The following PAPPA variants were observed in gnomAD, a reference collection of about 807,000 sequenced individuals.
PAPPA encodes the protein pappalysin-1.
A neutral mutation model predicts 164.0 loss-of-function variants in PAPPA; 60 were observed. That is an observed-to-expected ratio of 0.37 (90% CI 0.30 to 0.45). The LOEUF (loss-of-function observed/expected upper bound fraction) is 0.45, where lower values mean the gene tolerates loss of function less well. PAPPA is among the 20% of genes least tolerant of loss of function. The pLI is 1.00. For missense variants in PAPPA, 1,782 were observed against 2,087.3 expected, an observed-to-expected ratio of 0.85 and a Z score of 2.85; for synonymous variants, 875 against 814.1, an observed-to-expected ratio of 1.07 and a Z score of -1.27.
At position 116,187,052 on chromosome 9, in the gene PAPPA, G is replaced by A. The variant is rs1172750537; in HGVS notation, c.416-102G>A. The A allele has an allele frequency of 2.3e-6, 2 of 857,352 alleles. No individual in the cohort carries two copies. The highest frequency in any genetic ancestry group is 2.8e-4 in the Middle Eastern group (1 of 3,614). The allele number at this position is 857,352 out of a possible 1,614,324, so 53.1% of individuals were successfully genotyped here. ...CCACAGAGCAGTTGGAAAGCGATGA[G>A]TCTAGGATAACCTGATACAAATTTT... On this transcript the variant is annotated intron_variant, in intron 1 of 21. Transcript: ENST00000328252. The surrounding 1 kb of genome is among the most constrained non-coding windows in gnomAD (Gnocchi z 4.2).
rs1157260462 is a variant in PAPPA, at chr9:116,393,514, C to T, written c.4777-2995C>T. On this transcript the variant is annotated intron_variant, in intron 21 of 21. Coordinates refer to ENST00000328252, the MANE Select transcript of PAPPA (RefSeq NM_002581.5). Reference sequence around the variant, plus strand: ...GTCCCTGCCCAGAGTGAGCTGACATCGAAGTAAAGAAGTAATTCAGTATCA... The same window carrying T: ...GTCCCTGCCCAGAGTGAGCTGACATTGAAGTAAAGAAGTAATTCAGTATCA... 3.3e-5 allele frequency among the ~76,000 whole-genome samples: 5 copies of T among 152,088 alleles called. No individual in the cohort carries two copies. The East Asian group carries it at 5.8e-4, about 18-fold the overall frequency.
intron 2 of PAPPA, among the ~76,000 whole-genome samples, chr9:116,192,217 G>A (rs1047588858): frequency 2.0e-5 from 3 of 152,174 alleles, no homozygotes; most frequent in African/African-American, 7.2e-5. Flanking sequence ...AGGACACAGA[G>A]CAGGGTGGGG....
chr9:116,374,471 T>C (rs762176584), intron 19 of PAPPA, among the ~76,000 whole-genome samples: 9 of 152,134 alleles, frequency 5.9e-5, no homozygotes, highest in Non-Finnish European at 1.3e-4. Context: ...CTTTCCCAGT[T>C]CTAGCACACA....
chr9:116,302,597 CT>C (rs910654845), intron 9 of PAPPA, among the ~76,000 whole-genome samples, 159 bp from the exon 10 acceptor site: 4 of 151,194 alleles, frequency 2.6e-5, no homozygotes, highest in Non-Finnish European at 4.4e-5. Flanking sequence ...GAATTTCCTT[CT>C]TTTTTTTTCA....
chr9:116,335,060 C>G lies in PAPPA; in HGVS notation c.3597C>G (p.Ser1199Arg). The G allele has an allele frequency of 1.2e-6, 2 of 1,612,928 alleles. No homozygotes were observed. The highest frequency in any genetic ancestry group is 1.1e-5 in the South Asian group (1 of 91,074). Reference protein sequence around the residue: ...LSSCQRGETYSPAEQSCVHFA... With the variant: ...LSSCQRGETYRPAEQSCVHFA... Reference sequence around the variant, plus strand: ...GCTGCCAGAGAGGGGAGACCTACAGCCCTGCCGAGCAGAGGTAAGGGATCC... The same window carrying G: ...GCTGCCAGAGAGGGGAGACCTACAGGCCTGCCGAGCAGAGGTAAGGGATCC... Residue 1199 changes from serine (S) to arginine (R), a missense_variant, in exon 13 of 22, where the codon AGC becomes AGG. Physicochemically the swap from Ser to Arg is moderately radical, Grantham distance 110 (BLOSUM62 -1). This residue lies in a region of PAPPA where 1,324 missense variants were observed against 1,656.9 expected (regional missense o/e 0.80). Transcript: ENST00000328252.
At position 116,154,714 on chromosome 9, in the gene PAPPA, G is replaced by C. The variant is rs1843580650; in HGVS notation, c.415+127G>C. The C allele has an allele frequency of 1.8e-6, 2 of 1,118,754 alleles. No homozygotes were observed. Among genetic ancestry groups the C allele is most frequent in the South Asian group, 8.1e-5 (2 of 24,684 alleles). The allele number at this position is 1,118,754 out of a possible 1,614,324, so 69.3% of individuals were successfully genotyped here. ...TGTCTGTGCGAGAGCTGCCCCGCGAGCGGCGCAGAGACATCCGGGCGAGCT... is the reference window on the plus strand; with the variant it reads ...TGTCTGTGCGAGAGCTGCCCCGCGACCGGCGCAGAGACATCCGGGCGAGCT... On this transcript the variant is annotated intron_variant, in intron 1 of 21. Coordinates refer to ENST00000328252, the MANE Select transcript of PAPPA (RefSeq NM_002581.5). This position sits in a 1 kb window ranked among gnomAD's most constrained non-coding sequence, Gnocchi z 5.2.
At chr9:116,207,947 T>C (rs955414465) in intron 3 of PAPPA, among the ~76,000 whole-genome samples, 1 of 152,202 alleles carries the variant, frequency 6.6e-6, no homozygotes, top group African/African-American at 2.4e-5. Context: ...GCTTTCTCCT[T>C]ATACCCTCTG....
At chr9:116,198,573 C>T (rs184626030) in intron 2 of PAPPA, among the ~76,000 whole-genome samples, 10 of 152,276 alleles carry the variant, frequency 6.6e-5, no homozygotes, top group South Asian at 6.2e-4. Flanking sequence ...ATTGCTGTTA[C>T]GGAGAAGTCC....
chr9:116,346,168 G>T (rs1395397541), intron 14 of PAPPA, among the ~76,000 whole-genome samples: 1 of 152,092 alleles, frequency 6.6e-6, no homozygotes, highest in East Asian at 1.9e-4. Flanking sequence ...TCAACGTTTG[G>T]CATCTCCAGT....
chr9:116,365,398 C>A (rs1846486744), intron 18 of PAPPA, among the ~76,000 whole-genome samples: 1 of 152,008 alleles, frequency 6.6e-6, no homozygotes, highest in South Asian at 2.1e-4. Context: ...GTAAGGATGC[C>A]AATAATGGCT....
chr9:116,207,782 C>G (rs1844255443), intron 3 of PAPPA, among the ~76,000 whole-genome samples, 181 bp downstream of exon 3: 1 of 152,114 alleles, frequency 6.6e-6, no homozygotes, highest in African/African-American at 2.4e-5. Context: ...TTTTGACCAC[C>G]AAGCAATTTT....
At chr9:116,303,412 G>C (rs928453614) in intron 10 of PAPPA, among the ~76,000 whole-genome samples, 1 of 152,102 alleles carries the variant, frequency 6.6e-6, no homozygotes, top group South Asian at 2.1e-4. Flanking sequence ...AGTTGAGCTT[G>C]TTGATCTCCA....
chr9:116,184,579 A>G (rs934965971), intron 1 of PAPPA, among the ~76,000 whole-genome samples: 2 of 152,264 alleles, frequency 1.3e-5, no homozygotes, highest in Middle Eastern at 3.4e-3. Flanking sequence ...CATATTCACT[A>G]TGTCTTTTAA....
intron 7 of PAPPA, among the ~76,000 whole-genome samples, chr9:116,253,443 T>G (rs1020202829): frequency 1.3e-5 from 2 of 152,120 alleles, no homozygotes; most frequent in Non-Finnish European, 2.9e-5. Context: ...CAACAAAAAC[T>G]AATAAAACAG....
chr9:116,191,087 A>C (rs1844037447), intron 2 of PAPPA, among the ~76,000 whole-genome samples: 1 of 152,226 alleles, frequency 6.6e-6, no homozygotes, highest in Non-Finnish European at 1.5e-5. Context: ...AGTCATGATT[A>C]CATGGTCATG....
chr9:116,287,777 T>G (rs1437751014), intron 9 of PAPPA, among the ~76,000 whole-genome samples: 3 of 152,202 alleles, frequency 2.0e-5, no homozygotes, highest in African/African-American at 4.8e-5. Context: ...GTCCTATTCT[T>G]TGACCATATC....
intron 10 of PAPPA, among the ~76,000 whole-genome samples, chr9:116,321,307 G>A (rs923716536): frequency 7.2e-5 from 11 of 152,294 alleles, no homozygotes; most frequent in South Asian, 2.1e-4. Context: ...GATTACAGGC[G>A]TGAGCCACCG....
chr9:116,254,698 C>T (rs1031372461), intron 7 of PAPPA, among the ~76,000 whole-genome samples: 4 of 147,406 alleles, frequency 2.7e-5, no homozygotes, highest in Admixed American at 1.4e-4. Flanking sequence ...AGGAGAATGG[C>T]GTGAACCTGG....
intron 17 of PAPPA, 144 bp downstream of exon 17, chr9:116,353,937 G>T: frequency 1.8e-6 from 1 of 546,668 alleles, no homozygotes; most frequent in Middle Eastern, 2.8e-4. Context: ...TTTTTGATTT[G>T]CTCAGAGATT....
Sources: allele counts gnomAD v4.1 joint callset (sites outside exome capture counted in the v4.1 genomes callset), GRCh38; gene constraint gnomAD v4.1.1; regional missense constraint gnomAD v4.1.1; non-coding constraint Gnocchi (gnomAD v3.1); transcripts MANE v1.5; gene names NCBI Gene and HGNC (gene_info 2026-07-23, HGNC 2026-07-21).